Variants in VPS37A observed in about 807,000 individuals in gnomAD.
VPS37A encodes the protein VPS37A subunit of ESCRT-I, also known as vacuolar protein sorting-associated protein 37A.
A neutral mutation model predicts 49.8 loss-of-function variants in VPS37A; 30 were observed. The observed-to-expected ratio is 0.60, with a 90% confidence interval of 0.45 to 0.82. The LOEUF is 0.82. Ranked by LOEUF, VPS37A falls within the 40% of genes least tolerant of loss-of-function variation. The pLI, the probability that VPS37A is intolerant of heterozygous loss-of-function variation, is 0.00. For synonymous variants in VPS37A, 195 were observed against 160.6 expected (o/e 1.21, Z -1.62); for missense variants, 593 against 464.4 (o/e 1.28, Z -2.55).
chr8:17,314,664 T>A, the VPS37A span, among the ~76,000 whole-genome samples: 1 of 152,078 alleles, frequency 6.6e-6, no homozygotes, highest in South Asian at 2.1e-4. Context: ...ATGACAACAG[T>A]GTTGAAGGAA....
the VPS37A span, chr8:17,311,870 C>T: frequency 1.8e-5 from 10 of 563,102 alleles, no homozygotes; most frequent in Admixed American, 3.1e-4. Flanking sequence ...AAGTCACCTC[C>T]AATAAGCGCA....
chr8:17,250,372 A>C (rs1811860220), intron 1 of VPS37A, among the ~76,000 whole-genome samples: 1 of 151,996 alleles, frequency 6.6e-6, no homozygotes, highest in South Asian at 2.1e-4. Flanking sequence ...TTGTGCGAAC[A>C]GACAGATTGG....
intron 1 of VPS37A, among the ~76,000 whole-genome samples, chr8:17,249,266 A>G (rs1039971187): frequency 6.6e-6 from 1 of 152,248 alleles, no homozygotes; most frequent in Non-Finnish European, 1.5e-5. Context: ...GTGAGATTCT[A>G]TAGCAGCAAT....
the VPS37A span, among the ~76,000 whole-genome samples, chr8:17,325,159 A>AGT: frequency 6.6e-6 from 1 of 151,926 alleles, no homozygotes. Flanking sequence ...AAGCAGAGAG[A>AGT]ACTATTTCAG....
At chr8:17,280,684 CTT>C (rs1339952075) in intron 9 of VPS37A, among the ~76,000 whole-genome samples, 1 of 151,900 alleles carries the variant, frequency 6.6e-6, no homozygotes, top group East Asian at 1.9e-4. Context: ...TGACACATAA[CTT>C]TTCTGGGTAA....
chr8:17,310,431 A>C, the VPS37A span, among the ~76,000 whole-genome samples: 1 of 152,162 alleles, frequency 6.6e-6, no homozygotes, highest in Admixed American at 6.5e-5. Flanking sequence ...ACAACTCGAG[A>C]CATTTTCTTT....
chr8:17,294,583 T>C (rs367971486), intron 11 of VPS37A, among the ~76,000 whole-genome samples: 9 of 152,302 alleles, frequency 5.9e-5, no homozygotes, highest in African/African-American at 2.2e-4. Flanking sequence ...TGTAGGCACC[T>C]GAGGGAATCT....
At chr8:17,259,813 ATT>A (rs1343820443) in intron 1 of VPS37A, among the ~76,000 whole-genome samples, 1 of 151,940 alleles carries the variant, frequency 6.6e-6, no homozygotes, top group African/African-American at 2.4e-5. Context: ...CCCCTTTATC[ATT>A]TTATATAGTG....
chr8:17,274,956 C>G lies in VPS37A; in HGVS notation c.640C>G (p.Pro214Ala). 6.2e-7 allele frequency: 1 copy of G among 1,613,618 alleles called. No homozygotes were observed. The highest frequency in any genetic ancestry group is 8.5e-7 in the Non-Finnish European group (1 of 1,179,550). ...CATTCCCACAGTGGATGCTTCAATA[C>G]CGGTTGGTATCGTCAGTTATCTATA... ...LPIPTVDASI[P>A]TSQNGFGYKM... The change falls in exon 5 of 12, where the codon CCG becomes GCG. Residue 214 changes from proline (P) to alanine (A), a missense_variant and splice_region_variant. Coordinates refer to ENST00000324849, the MANE Select transcript of VPS37A (RefSeq NM_152415.3).
the VPS37A span, among the ~76,000 whole-genome samples, chr8:17,330,867 A>T: frequency 2.0e-5 from 3 of 152,342 alleles, no homozygotes; most frequent in Admixed American, 2.0e-4. Flanking sequence ...TCAAACTAAC[A>T]TTATGAGGAA....
chr8:17,306,975 A>G (rs1381084546), downstream of VPS37A, among the ~76,000 whole-genome samples: 1 of 152,222 alleles, frequency 6.6e-6, no homozygotes, highest in Non-Finnish European at 1.5e-5. Flanking sequence ...GGACATAGGC[A>G]TGGGCAAGGA....
At chr8:17,253,881 C>G (rs1812199070) in intron 1 of VPS37A, among the ~76,000 whole-genome samples, 1 of 152,148 alleles carries the variant, frequency 6.6e-6, no homozygotes, top group South Asian at 2.1e-4. Context: ...CAAGAGACAG[C>G]TATAGTATGA....
intron 1 of VPS37A, among the ~76,000 whole-genome samples, chr8:17,265,032 A>G (rs530295800): frequency 7.9e-5 from 12 of 152,316 alleles, no homozygotes; most frequent in African/African-American, 2.9e-4. Context: ...AAACAAGATA[A>G]AAGTTTATTT....
rs553232769 is a variant in VPS37A at position 17,289,227 on chromosome 8, T to C, written c.*2800T>C. On this transcript the variant is annotated intron_variant, in intron 11 of 11. Coordinates refer to ENST00000324849, the MANE Select transcript of VPS37A (RefSeq NM_152415.3). Reference sequence around the variant, plus strand: ...GTTTTATTAGATCTCATTTGTCCATTTTGGCTTTTGTTGCCATTGTTTTTT... The same window carrying C: ...GTTTTATTAGATCTCATTTGTCCATCTTGGCTTTTGTTGCCATTGTTTTTT... Among the ~76,000 whole-genome samples, 3 of 152,336 alleles carry C rather than the reference T, an allele frequency of 2.0e-5. No individual in the cohort carries two copies. The South Asian group carries it at 6.2e-4, about 32-fold the overall frequency.
At position 17,268,839 on chromosome 8, in the gene VPS37A, T is replaced by A. The variant is rs117165264; in HGVS notation, c.316-17T>A. 1 of 1,528,324 alleles carries A rather than the reference T, an allele frequency of 6.5e-7. No homozygotes were observed. The highest frequency in any genetic ancestry group is 9.0e-7 in the Non-Finnish European group (1 of 1,110,544). The allele number at this position is 1,528,324 out of a possible 1,614,324, so 94.7% of individuals were successfully genotyped here. ...TTTCTGGAAGTGATTTTAAGCGTCATGTATTGTTACTTTCAGTTTACAATG... is the reference window on the plus strand; with the variant it reads ...TTTCTGGAAGTGATTTTAAGCGTCAAGTATTGTTACTTTCAGTTTACAATG... On this transcript the variant is annotated splice_polypyrimidine_tract_variant and intron_variant, in intron 3 of 11. Coordinates refer to ENST00000324849, the MANE Select transcript of VPS37A (RefSeq NM_152415.3).
At chr8:17,263,981 A>C (rs1159365762) in intron 1 of VPS37A, among the ~76,000 whole-genome samples, 1 of 152,170 alleles carries the variant, frequency 6.6e-6, no homozygotes, top group Non-Finnish European at 1.5e-5. Context: ...AAATCTAGAG[A>C]GGGACCAACC....
At chr8:17,276,684 A>G (rs986481964) in intron 6 of VPS37A, among the ~76,000 whole-genome samples, 3 of 152,192 alleles carry the variant, frequency 2.0e-5, no homozygotes, top group East Asian at 1.9e-4. Context: ...TAGGATTTTT[A>G]TAATGATATA....
At chr8:17,304,041 A>G (rs1326221494), downstream of VPS37A, among the ~76,000 whole-genome samples, 1 of 152,192 alleles carries the variant, frequency 6.6e-6, no homozygotes, top group East Asian at 1.9e-4. Context: ...ACACGTCATG[A>G]TCACTGTTGA....
At chr8:17,326,885 T>C in the VPS37A span, among the ~76,000 whole-genome samples, 4 of 152,134 alleles carry the variant, frequency 2.6e-5, no homozygotes, top group African/African-American at 7.2e-5. Flanking sequence ...ATAATAAATA[T>C]CATTTTTTAA....
Sources: gnomAD v4.1 joint callset for allele counts (sites outside exome capture counted in the v4.1 genomes callset) on GRCh38, gnomAD v4.1.1 for gene constraint, MANE v1.5 for transcripts, NCBI Gene and HGNC (gene_info 2026-07-23, HGNC 2026-07-21) for gene names.